ZNF606: variants seen among roughly 807,000 people sequenced by gnomAD.
ZNF606 encodes zinc finger protein 328.
In ZNF606, 37 loss-of-function variants were observed where a neutral mutation model predicts 74.9. The observed-to-expected ratio is 0.49, with a 90% CI of 0.38 to 0.65. The LOEUF (loss-of-function observed/expected upper bound fraction) is 0.65. Among genes scored for constraint, ZNF606 ranks in the 30% least tolerant of loss-of-function variants. ZNF606 has a pLI of 0.00. For missense variants in ZNF606, 852 were observed against 952.9 expected (o/e 0.89, Z 1.39); for synonymous variants, 328 against 312.4 (o/e 1.05, Z -0.53).
chr19:57,985,676 C>A (rs1020868202), intron 6 of ZNF606, among the ~76,000 whole-genome samples: 19 of 152,038 alleles, frequency 1.2e-4, no homozygotes, highest in Non-Finnish European at 2.6e-4. Flanking sequence ...CGCCTGTAAT[C>A]CCAGCACTTT....
rs1296792143 is a variant in ZNF606 at position 57,978,258 on chromosome 19, A to T, written c.*43T>A. On this transcript the variant is annotated 3_prime_UTR_variant, in exon 7 of 7. Coordinates refer to ENST00000551380, the MANE Select transcript of ZNF606 (RefSeq NM_001348022.3). This position sits in a 1 kb window ranked among gnomAD's most constrained non-coding sequence, Gnocchi z 4.4. ...TGATTATGTTTATAGGGTTTTCCTC[A>T]ATGTGTTGTCAAATGTACAAGAAAC... is the stretch of plus-strand genomic sequence containing the variant. The T allele has an allele frequency of 6.6e-7, 1 of 1,512,010 alleles. No individual in the cohort carries two copies. Among genetic ancestry groups the T allele is most frequent in the African/African-American group, 1.4e-5 (1 of 71,752 alleles). The allele number at this position is 1,512,010 out of a possible 1,614,324, so 93.7% of individuals were successfully genotyped here.
intron 4 of ZNF606, among the ~76,000 whole-genome samples, chr19:57,991,556 C>T (rs1055848880): frequency 2.0e-5 from 3 of 152,026 alleles, no homozygotes; most frequent in African/African-American, 4.8e-5. Context: ...GTAATCCCAA[C>T]ACTTTGGGAG....
At chr19:58,002,218 C>T in intron 1 of ZNF606, 178 bp downstream of exon 1, 1 of 456,836 alleles carries the variant, frequency 2.2e-6, no homozygotes, top group South Asian at 1.5e-5. Context: ...TGACGTCCTT[C>T]ACAGTGCTTT....
chr19:58,002,454 C>G lies in ZNF606; in HGVS notation c.-110G>C, dbSNP rs2073449795. ...GCGCAGCAGGATCGGGGTCTGCCCG[C>G]CTGGGGCGTTTGGCTTTTGTCCCGC... On this transcript the variant is annotated 5_prime_UTR_variant, in exon 1 of 7. Coordinates refer to ENST00000551380, the MANE Select transcript of ZNF606 (RefSeq NM_001348022.3). The G allele has an allele frequency of 2.2e-6, 1 of 455,122 alleles. No individual in the cohort carries two copies. The highest frequency in any genetic ancestry group is 1.6e-5 in the South Asian group (1 of 64,444). The allele number at this position is 455,122 out of a possible 1,614,324, so 28.2% of individuals were successfully genotyped here.
chr19:57,987,363 C>G (rs892611297), intron 6 of ZNF606, among the ~76,000 whole-genome samples: 1 of 152,016 alleles, frequency 6.6e-6, no homozygotes, highest in African/African-American at 2.4e-5. Flanking sequence ...CTCACCTCAG[C>G]CCCCTGAGTA....
intron 4 of ZNF606, among the ~76,000 whole-genome samples, chr19:57,993,333 TAAAC>T (rs1211255578): frequency 1.3e-5 from 2 of 151,508 alleles, no homozygotes; most frequent in Admixed American, 6.6e-5. Context: ...ATCTCCTAAA[TAAAC>T]AGTTGGCTTT....
In ZNF606 at chr19:57,977,412, G is replaced by A. The variant is rs1157494651; in HGVS notation, c.*889C>T. ...AAAACTTTTTAAAAATCTCAACTGG[G>A]TTAACTTTTCCATGGATCTTTCAGG... On this transcript the variant is annotated 3_prime_UTR_variant, in exon 7 of 7. Coordinates refer to ENST00000551380, the MANE Select transcript of ZNF606 (RefSeq NM_001348022.3). 6.6e-6 allele frequency: 1 copy of A among 152,164 alleles called. No individual in the cohort carries two copies. The highest frequency in any genetic ancestry group is 1.5e-5 in the Non-Finnish European group (1 of 68,026). The allele number at this position is 152,164 out of a possible 1,614,324, so 9.4% of individuals were successfully genotyped here.
chr19:57,985,256 G>A (rs1351922929), intron 6 of ZNF606, among the ~76,000 whole-genome samples: 1 of 152,202 alleles, frequency 6.6e-6, no homozygotes, highest in African/African-American at 2.4e-5. Flanking sequence ...CTCTGGCTCA[G>A]TAACAGCCTT....
intron 6 of ZNF606, among the ~76,000 whole-genome samples, chr19:57,981,529 T>C (rs1209538364): frequency 1.3e-5 from 2 of 152,156 alleles, no homozygotes; most frequent in African/African-American, 4.8e-5. Context: ...GCAAGTAATA[T>C]TTACATCATG....
Position 57,979,799 on chromosome 19 carries a change from G to A in ZNF606, c.881C>T (p.Ala294Val). Residue 294 changes from alanine to valine, a missense_variant, in exon 7 of 7, where the codon GCT becomes GTT. Ala to Val is a moderately conservative substitution (Grantham distance 64). Around this residue, in one of 3 missense-constraint regions of ZNF606, gnomAD observed 545 missense variants for 542.5 expected, o/e 1.00. Transcript: ENST00000551380. ...TATTATATGATTGAAAGATTTAACA[G>A]CATCAGTACATTTGAAAAGATTATC... is the stretch of plus-strand genomic sequence containing the variant. ...TGDNLFKCTDAVKSFNHIIHF... is the reference protein window; with the variant it reads ...TGDNLFKCTDVVKSFNHIIHF... 1 of 1,613,272 alleles carries A rather than the reference G, an allele frequency of 6.2e-7. No individual in the cohort carries two copies. The highest frequency in any genetic ancestry group is 1.1e-5 in the South Asian group (1 of 91,080).
chr19:57,984,294 G>C (rs557032503), intron 6 of ZNF606, among the ~76,000 whole-genome samples: 1 of 152,212 alleles, frequency 6.6e-6, no homozygotes, highest in Admixed American at 6.5e-5. Context: ...GGAGACAGGT[G>C]AGATGCTTTG....
In ZNF606 at chr19:58,002,531, G is replaced by C. The variant is rs1446417185; in HGVS notation, c.-187C>G. On this transcript the variant is annotated 5_prime_UTR_variant, in exon 1 of 7. Transcript: ENST00000551380. ...TGGGAGCTCCCGGCGCGGCCTCGGG[G>C]ACAAAGGCCCGCGGAGCCGACGTGC... 2.3e-6 allele frequency: 1 copy of C among 428,844 alleles called. No homozygotes were observed. The highest frequency in any genetic ancestry group is 4.7e-6 in the Non-Finnish European group (1 of 214,254). The allele number at this position is 428,844 out of a possible 1,614,324, so 26.6% of individuals were successfully genotyped here.
At position 58,002,613 on chromosome 19, in the gene ZNF606, G is replaced by A. The variant is rs771142024; in HGVS notation, c.-269C>T. ...AAACGAAGAACGCCCGGAGGCGGGA[G>A]GCCGGAGGCAGGCTGCTGGCTGGAG... On this transcript the variant is annotated 5_prime_UTR_variant, in exon 1 of 7. Coordinates refer to ENST00000551380, the MANE Select transcript of ZNF606 (RefSeq NM_001348022.3). The A allele has an allele frequency of 1.4e-5, 6 of 442,918 alleles. No individual in the cohort carries two copies. The highest frequency in any genetic ancestry group is 7.8e-5 in the South Asian group (5 of 63,988). 27.4% of individuals were successfully genotyped at this position (442,918 alleles called of 1,614,324 possible). A position where few individuals can be genotyped will look rare whatever the true frequency, so the allele number is the denominator to read the frequency against.
intron 6 of ZNF606, among the ~76,000 whole-genome samples, chr19:57,987,901 T>C (rs979156466): frequency 1.3e-5 from 2 of 152,164 alleles, no homozygotes; most frequent in African/African-American, 4.8e-5. Flanking sequence ...GTTACAAGTT[T>C]GGCAATACAG....
intron 6 of ZNF606, among the ~76,000 whole-genome samples, chr19:57,983,508 G>A (rs2073120153): frequency 1.3e-5 from 2 of 151,860 alleles, no homozygotes; most frequent in South Asian, 4.2e-4. Context: ...AACCCGGGAG[G>A]TGGAGGTTGC....
At chr19:57,993,195 A>C (rs958534887) in intron 4 of ZNF606, among the ~76,000 whole-genome samples, 8 of 152,244 alleles carry the variant, frequency 5.3e-5, no homozygotes, top group Non-Finnish European at 1.0e-4. Context: ...TCTGAGCTGC[A>C]GAACAGTAGA....
chr19:57,988,548 C>T, intron 5 of ZNF606, 47 bp downstream of exon 5: 1 of 1,588,982 alleles, frequency 6.3e-7, no homozygotes, highest in Non-Finnish European at 8.6e-7. Flanking sequence ...CAGCTGAAGG[C>T]ATTACCATGG....
At chr19:57,999,663 C>G in intron 4 of ZNF606, 145 bp downstream of exon 4, 1 of 786,908 alleles carries the variant, frequency 1.3e-6, no homozygotes, top group Non-Finnish European at 2.1e-6. Flanking sequence ...CTAATTCTCC[C>G]TACCTGCTCT....
chr19:57,991,780 A>AAAAT (rs80231379), intron 4 of ZNF606, among the ~76,000 whole-genome samples: 43,771 of 148,560 alleles, frequency 0.29, 7,687 homozygotes, highest in South Asian at 0.45. Context: ...ACTCTGTCTC[A>AAAAT]AAATAAATAA....
Sources: gnomAD v4.1 joint callset for allele counts (sites outside exome capture counted in the v4.1 genomes callset) on GRCh38, gnomAD v4.1.1 for gene constraint, gnomAD v4.1.1 regional missense constraint, Gnocchi (gnomAD v3.1) non-coding constraint, MANE v1.5 for transcripts, NCBI Gene and HGNC (gene_info 2026-07-23, HGNC 2026-07-21) for gene names.